Variants in ARPC4 observed in about 807,000 individuals in gnomAD.
ARPC4 encodes actin-related protein 2/3 complex subunit 4.
Under a neutral mutation model 22.8 loss-of-function variants are expected in ARPC4, and 3 were observed. That is an observed-to-expected ratio of 0.13 (90% CI 0.06 to 0.34). The LOEUF (loss-of-function observed/expected upper bound fraction) is 0.34. ARPC4 is among the 10% of genes least tolerant of loss of function. The probability of loss-of-function intolerance (pLI) is 1.00; values close to 1 mark genes in which losing one functional copy is unlikely to be tolerated. For missense variants in ARPC4, 98 were observed against 211.0 expected (o/e 0.46, Z 3.32); for synonymous variants, 80 against 72.5 (o/e 1.10, Z -0.52).
intron 1 of ARPC4, among the ~76,000 whole-genome samples, chr3:9,795,586 A>G (rs1319382190): frequency 1.3e-5 from 2 of 152,164 alleles, no homozygotes; most frequent in African/African-American, 4.8e-5. Flanking sequence ...TCATATACAG[A>G]AACATTGTAC....
intron 1 of ARPC4, among the ~76,000 whole-genome samples, chr3:9,795,946 A>G (rs2125637472): frequency 6.6e-6 from 1 of 152,274 alleles, no homozygotes; most frequent in East Asian, 1.9e-4. Flanking sequence ...AAATACAAAA[A>G]TTAACCAGGC....
chr3:9,794,828 T>C (rs1477773045), intron 1 of ARPC4, among the ~76,000 whole-genome samples: 2 of 152,214 alleles, frequency 1.3e-5, no homozygotes, highest in African/African-American at 4.8e-5. Context: ...CCCTGTAGTT[T>C]TGCCTTTTTC....
upstream of ARPC4, chr3:9,793,041 G>T: frequency 6.5e-7 from 1 of 1,543,020 alleles, no homozygotes; most frequent in Non-Finnish European, 8.7e-7. Flanking sequence ...GGAGACCGTA[G>T]CTGCGCTTCT....
chr3:9,794,075 T>C (rs1336455548), intron 1 of ARPC4, among the ~76,000 whole-genome samples: 1 of 152,210 alleles, frequency 6.6e-6, no homozygotes, highest in Non-Finnish European at 1.5e-5. Context: ...TTTTTTTTTC[T>C]AGTGGGGCAC....
chr3:9,796,529 A>G (rs2078891531), intron 1 of ARPC4, among the ~76,000 whole-genome samples: 1 of 152,236 alleles, frequency 6.6e-6, no homozygotes, highest in Non-Finnish European at 1.5e-5. Context: ...TTAGGCAAAG[A>G]AAGAGGAGAA....
chr3:9,792,594 G>A (rs1272111613), upstream of ARPC4: 10 of 1,230,170 alleles, frequency 8.1e-6, no homozygotes, highest in African/African-American at 6.2e-5. Flanking sequence ...GAGGTGGGGT[G>A]CGGGTGGTCG....
chr3:9,804,976 G>T (rs1437428094), intron 5 of ARPC4, among the ~76,000 whole-genome samples: 1 of 152,318 alleles, frequency 6.6e-6, no homozygotes, highest in South Asian at 2.1e-4. Flanking sequence ...TGAAATGAAG[G>T]TCTGGTAATT....
intron 4 of ARPC4, 148 bp downstream of exon 4, chr3:9,801,904 G>A: frequency 1.1e-6 from 1 of 881,580 alleles, no homozygotes; most frequent in Non-Finnish European, 1.7e-6. Context: ...GAGCAAAGAG[G>A]ATTAGAAGCT....
At chr3:9,797,622 T>C (rs2078923811) in intron 1 of ARPC4, 37 bp from the exon 2 acceptor site, 1 of 1,597,366 alleles carries the variant, frequency 6.3e-7, no homozygotes, top group African/African-American at 1.3e-5. Flanking sequence ...GCGTGACAGA[T>C]TTTGATCTTC....
At chr3:9,801,235 A>AAT in intron 3 of ARPC4, among the ~76,000 whole-genome samples, 2 of 148,398 alleles carry the variant, frequency 1.3e-5, no homozygotes, top group African/African-American at 5.2e-5. Context: ...AAAAAAAAAA[A>AAT]AAGAAATGTT....
chr3:9,801,988 C>T (rs552065717), intron 4 of ARPC4, among the ~76,000 whole-genome samples: 14 of 152,176 alleles, frequency 9.2e-5, no homozygotes, highest in African/African-American at 3.1e-4. Flanking sequence ...TGCCTCTAAT[C>T]CCAACACTTT....
At chr3:9,797,023 G>A (rs548400333) in intron 1 of ARPC4, among the ~76,000 whole-genome samples, 1 of 149,474 alleles carries the variant, frequency 6.7e-6, no homozygotes, top group Non-Finnish European at 1.5e-5. Flanking sequence ...AGTTTCTTCT[G>A]CAAATATAGA....
At chr3:9,796,897 T>C (rs563930508) in intron 1 of ARPC4, among the ~76,000 whole-genome samples, 112 of 137,108 alleles carry the variant, frequency 8.2e-4, no homozygotes, top group African/African-American at 2.4e-3. Context: ...GCCGAGATCG[T>C]GCCACCGCGC....
At chr3:9,793,051 T>G, upstream of ARPC4, 1 of 1,544,294 alleles carries the variant, frequency 6.5e-7, no homozygotes, top group Non-Finnish European at 8.7e-7. Flanking sequence ...GCTGCGCTTC[T>G]CGCGAAAGGG....
chr3:9,793,029 G>T (rs535801723), upstream of ARPC4: 49 of 1,538,166 alleles, frequency 3.2e-5, no homozygotes, highest in South Asian at 5.2e-4. Flanking sequence ...GGAAGTCCGG[G>T]CGGAGACCGT....
intron 2 of ARPC4, among the ~76,000 whole-genome samples, chr3:9,798,933 GA>G (rs2078952932): frequency 6.6e-6 from 1 of 152,098 alleles, no homozygotes; most frequent in Non-Finnish European, 1.5e-5. Flanking sequence ...ACATAACTGA[GA>G]TAATCTGGGT....
At chr3:9,804,096 G>A in intron 5 of ARPC4, 83 bp downstream of exon 5, 1 of 1,494,020 alleles carries the variant, frequency 6.7e-7, no homozygotes, top group Non-Finnish European at 9.1e-7. Context: ...GTGGGAAAGG[G>A]GTCCAAGCAG....
chr3:9,801,922 A>T (rs1396024164), intron 4 of ARPC4, among the ~76,000 whole-genome samples, 166 bp downstream of exon 4: 1 of 152,028 alleles, frequency 6.6e-6, no homozygotes, highest in African/African-American at 2.4e-5. Context: ...GCTTAGGAAA[A>T]GTTGGGTCTA....
At position 9,806,485 on chromosome 3, in the gene ARPC4, C is replaced by A; in HGVS notation, c.*270C>A. The A allele has an allele frequency of 1.9e-6, 1 of 533,330 alleles. No individual in the cohort carries two copies. Among genetic ancestry groups the A allele is most frequent in the Non-Finnish European group, 3.4e-6 (1 of 297,460 alleles). The allele number at this position is 533,330 out of a possible 1,614,324, so 33.0% of individuals were successfully genotyped here. On this transcript the variant is annotated 3_prime_UTR_variant, in exon 6 of 6. Coordinates refer to ENST00000397261, the MANE Select transcript of ARPC4 (RefSeq NM_005718.5). Reference sequence around the variant, plus strand: ...TTTTTAACGTCTTGAAACTTAAACTCTGTGCTTGTAGGATACTGTAACCTT... The same window carrying A: ...TTTTTAACGTCTTGAAACTTAAACTATGTGCTTGTAGGATACTGTAACCTT...
Sources: allele counts gnomAD v4.1 joint callset (sites outside exome capture counted in the v4.1 genomes callset), GRCh38; gene constraint gnomAD v4.1.1; transcripts MANE v1.5; gene names NCBI Gene and HGNC (gene_info 2026-07-23, HGNC 2026-07-21).